The following DLC1 variants were observed in gnomAD, a reference collection of about 807,000 sequenced individuals.
The protein encoded by DLC1 is DLC1 Rho GTPase activating protein.
In DLC1, 54 loss-of-function variants were observed where a neutral mutation model predicts 140.3. That is an observed-to-expected ratio of 0.38 (90% CI 0.31 to 0.48). The LOEUF (loss-of-function observed/expected upper bound fraction) is 0.48, where lower values mean the gene tolerates loss of function less well. DLC1 is among the 20% of genes least tolerant of loss of function. The pLI is 0.96. For synonymous variants in DLC1, 986 were observed against 728.1 expected (o/e 1.35, Z -5.70); for missense variants, 2,536 against 1,907.0 (o/e 1.33, Z -6.14).
At chr8:13,145,776 C>G (rs1384829519) in intron 5 of DLC1, among the ~76,000 whole-genome samples, 4 of 152,066 alleles carry the variant, frequency 2.6e-5, no homozygotes, top group African/African-American at 4.8e-5. Context: ...AAATAAAGAG[C>G]TTACATAATT....
chr8:13,375,322 C>A (rs999194791), intron 4 of DLC1, among the ~76,000 whole-genome samples: 3 of 152,068 alleles, frequency 2.0e-5, no homozygotes, highest in African/African-American at 7.2e-5. Context: ...CCACCGCGCC[C>A]GGCCAAGAAT....
At chr8:13,321,237 G>A (rs1027219066) in intron 4 of DLC1, among the ~76,000 whole-genome samples, 3 of 152,134 alleles carry the variant, frequency 2.0e-5, no homozygotes, top group Non-Finnish European at 4.4e-5. Flanking sequence ...AGAGTATTAA[G>A]TGATTCAAAA....
chr8:13,221,722 G>GTATATA (rs372189535), intron 5 of DLC1, among the ~76,000 whole-genome samples: 1,774 of 131,248 alleles, frequency 0.014, 14 homozygotes, highest in South Asian at 0.03. Flanking sequence ...ATGTGTGTGT[G>GTATATA]TGTGTATATA....
intron 4 of DLC1, among the ~76,000 whole-genome samples, chr8:13,326,542 CA>C (rs1438823082): frequency 6.6e-6 from 1 of 152,204 alleles, no homozygotes; most frequent in Non-Finnish European, 1.5e-5. Context: ...TTAAGTTGGA[CA>C]CCAACATTGG....
chr8:13,499,028 G>A, intron 2 of DLC1, 21 bp downstream of exon 2: 1 of 1,556,780 alleles, frequency 6.4e-7, no homozygotes, highest in Non-Finnish European at 8.6e-7. Flanking sequence ...AAAAGCCAGA[G>A]AATCTGTGCA....
At chr8:13,553,416 A>T (rs940377365) in intron 1 of DLC1, among the ~76,000 whole-genome samples, 1 of 151,106 alleles carries the variant, frequency 6.6e-6, no homozygotes, top group Non-Finnish European at 1.5e-5. Context: ...TCTCATCAGC[A>T]TACCAGCATA....
chr8:13,401,888 T>C (rs1481677), intron 2 of DLC1, among the ~76,000 whole-genome samples: 60,633 of 152,012 alleles, frequency 0.4, 13,006 homozygotes, highest in Non-Finnish European at 0.48. Context: ...AGTAATGGCA[T>C]GTATTTACTA....
chr8:13,378,160 A>T (rs535871045), intron 4 of DLC1, among the ~76,000 whole-genome samples: 39 of 139,510 alleles, frequency 2.8e-4, no homozygotes, highest in African/African-American at 8.8e-4. Flanking sequence ...TACATGTGCC[A>T]TGCATATGTA....
intron 3 of DLC1, among the ~76,000 whole-genome samples, chr8:13,397,489 CAAGAG>C (rs959041639): frequency 5.3e-5 from 8 of 151,804 alleles, no homozygotes; most frequent in African/African-American, 1.7e-4. Flanking sequence ...ATTTGTCAGA[CAAGAG>C]AAGGAGTGAG....
intron 5 of DLC1, among the ~76,000 whole-genome samples, chr8:13,151,213 A>G (rs1168325937): frequency 6.6e-6 from 1 of 152,256 alleles, no homozygotes; most frequent in Non-Finnish European, 1.5e-5. Context: ...CAGCATTTAC[A>G]GATGTCAGTC....
intron 5 of DLC1, among the ~76,000 whole-genome samples, chr8:13,294,964 CTTG>C (rs1175800165): frequency 2.0e-5 from 3 of 152,192 alleles, no homozygotes; most frequent in Non-Finnish European, 4.4e-5. Context: ...AGAGTAAATT[CTTG>C]TTATTATTAC....
intron 5 of DLC1, among the ~76,000 whole-genome samples, chr8:13,199,065 G>A (rs554126450): frequency 1.8e-4 from 28 of 151,742 alleles, no homozygotes; most frequent in African/African-American, 6.5e-4. Flanking sequence ...GCATGTAATA[G>A]CAACTTACAG....
intron 5 of DLC1, among the ~76,000 whole-genome samples, chr8:13,125,127 C>T (rs906797087): frequency 1.6e-4 from 25 of 152,102 alleles, no homozygotes; most frequent in African/African-American, 5.1e-4. Context: ...CAGGTGCTCA[C>T]GACCACACCC....
chr8:13,257,378 A>G (rs1380292598), intron 5 of DLC1, among the ~76,000 whole-genome samples: 1 of 150,614 alleles, frequency 6.6e-6, no homozygotes, highest in African/African-American at 2.4e-5. Context: ...TCAAGACTAC[A>G]GTGAGCCATG....
In DLC1 at chr8:13,319,809, TTC is replaced by T. The variant is rs1235407854; in HGVS notation, c.1315-14509_1315-14508del. On this transcript the variant is annotated intron_variant, in intron 4 of 17. Transcript: ENST00000276297. ...GTATCCTTCTCCAACCATTGTTTAA[TTC>T]TCTCTCTCTCTTTTTTTTTTTTTTT... 7.2e-3 allele frequency among the ~76,000 whole-genome samples: 819 copies of T among 114,182 alleles called. 220 individuals carry two copies. Among genetic ancestry groups the T allele is most frequent in the Middle Eastern group, 0.04 (7 of 176 alleles). The allele number at this position is 114,182 out of a possible 152,430, so 74.9% of individuals were successfully genotyped here.
intron 1 of DLC1, among the ~76,000 whole-genome samples, chr8:13,531,752 A>T (rs917584860): frequency 3.3e-5 from 5 of 152,222 alleles, no homozygotes; most frequent in Admixed American, 6.5e-5. Context: ...CCTTCCAAAT[A>T]AATATCAGTG....
At chr8:13,433,950 G>T (rs962627852) in intron 2 of DLC1, among the ~76,000 whole-genome samples, 3 of 152,294 alleles carry the variant, frequency 2.0e-5, no homozygotes, top group African/African-American at 7.2e-5. Context: ...CCGCCTCCTG[G>T]GTTCAAGCAA....
At chr8:13,564,111 C>CA (rs931228605) in intron 1 of DLC1, among the ~76,000 whole-genome samples, 30 of 151,644 alleles carry the variant, frequency 2.0e-4, no homozygotes, top group East Asian at 7.8e-4. Context: ...ATTACTTTTG[C>CA]AAAAAAATAG....
chr8:13,122,029 C>A (rs1390986783), intron 5 of DLC1, among the ~76,000 whole-genome samples: 1 of 152,120 alleles, frequency 6.6e-6, no homozygotes, highest in Non-Finnish European at 1.5e-5. Flanking sequence ...GACTTTTTCA[C>A]CCTTGGATTA....
Sources: allele counts gnomAD v4.1 joint callset (sites outside exome capture counted in the v4.1 genomes callset), GRCh38; gene constraint gnomAD v4.1.1; transcripts MANE v1.5; gene names NCBI Gene and HGNC (gene_info 2026-07-23, HGNC 2026-07-21).